TSPAN17: variants seen among roughly 807,000 people sequenced by gnomAD.
TSPAN17 encodes tetraspanin 17, also known as tetraspanin-17.
Under a neutral mutation model 40.5 loss-of-function variants are expected in TSPAN17, and 33 were observed. The ratio of observed to expected loss-of-function variants is 0.81; its 90% CI spans 0.62 to 1.09. The LOEUF (loss-of-function observed/expected upper bound fraction) is 1.09. TSPAN17 is among the 50% of genes least tolerant of loss of function. TSPAN17 has a pLI of 0.00. For missense variants in TSPAN17, 365 were observed against 416.8 expected (o/e 0.88, Z 1.08); for synonymous variants, 166 against 169.4 (o/e 0.98, Z 0.15).
intron 4 of TSPAN17, chr5:176,653,224 AC>A: frequency 4.1e-6 from 1 of 244,330 alleles, no homozygotes; most frequent in Non-Finnish European, 8.1e-6. Context: ...ATAGATTTCT[AC>A]TTCTGCTAAA....
In TSPAN17 at chr5:176,658,963, C is replaced by T. The variant is rs899225632; in HGVS notation, c.*1265C>T. ...GGGGCATGTGCCCAGCAATGTGGCT[C>T]CTTGGCCCCGCTGGCCAGTGTCCTG... On this transcript the variant is annotated 3_prime_UTR_variant, in exon 9 of 9. Coordinates refer to ENST00000508164, the MANE Select transcript of TSPAN17 (RefSeq NM_130465.5). The T allele has an allele frequency of 1.1e-4, 16 of 152,318 alleles. No homozygotes were observed. The highest frequency in any genetic ancestry group is 3.9e-4 in the African/African-American group (16 of 41,478). The allele number at this position is 152,318 out of a possible 1,614,324, so 9.4% of individuals were successfully genotyped here. A position where few individuals can be genotyped will look rare whatever the true frequency, so the allele number is the denominator to read the frequency against.
chr5:176,657,372 C>T (rs1459105697), intron 8 of TSPAN17, 146 bp from the exon 9 acceptor site: 52 of 1,385,018 alleles, frequency 3.8e-5, no homozygotes, highest in East Asian at 7.5e-5. Context: ...GTATGGGGCG[C>T]GTTGCCTGAG....
chr5:176,651,557 GA>G lies in TSPAN17; in HGVS notation c.88-58del. On this transcript the variant is annotated intron_variant, in intron 1 of 8. Transcript: ENST00000508164. This position sits in a 1 kb window ranked among gnomAD's most constrained non-coding sequence, Gnocchi z 4.5. ...AAGGCCCTGGCTACCGGGGAAGGATGAGGGGGGAGGGTCCTGGGGCTGCTCC... is the reference window on the plus strand; with the variant it reads ...AAGGCCCTGGCTACCGGGGAAGGATGGGGGGGAGGGTCCTGGGGCTGCTCC... 1 of 1,549,710 alleles carries G rather than the reference GA, an allele frequency of 6.5e-7. No individual in the cohort carries two copies. The highest frequency in any genetic ancestry group is 1.2e-5 in the South Asian group (1 of 83,466).
At position 176,656,982 on chromosome 5, in the gene TSPAN17, C is replaced by T. The variant is rs1000770271; in HGVS notation, c.809+26C>T. ...GTGAGGCCGCCAGAGGCCATGGCCA[C>T]ATGCCTGGCCTACGCAGGCCTCTGG... On this transcript the variant is annotated intron_variant, in intron 8 of 8. Transcript: ENST00000508164. The T allele has an allele frequency of 3.7e-6, 6 of 1,608,654 alleles. No individual in the cohort carries two copies. In the South Asian group the frequency reaches 5.5e-5, roughly 15 times the overall value.
rs1761263013 is a variant in TSPAN17 at position 176,659,044 on chromosome 5, T to A, written c.*1346T>A. On this transcript the variant is annotated 3_prime_UTR_variant, in exon 9 of 9. Transcript: ENST00000508164. The stretch of plus-strand genomic sequence containing the variant: ...TTGTACATGCTACAATAAATGCAGC[T>A]GGCAGCATTGTGCATGTGTCTTGCA... 2.6e-5 allele frequency: 4 copies of A among 152,276 alleles called. No individual in the cohort carries two copies. Among genetic ancestry groups the A allele is most frequent in the Admixed American group, 2.6e-4 (4 of 15,292 alleles). 9.4% of individuals were successfully genotyped at this position (152,276 alleles called of 1,614,324 possible). A position where few individuals can be genotyped will look rare whatever the true frequency, so the allele number is the denominator to read the frequency against.
Position 176,655,035 on chromosome 5 carries a change from G to A in TSPAN17, c.582+15G>A, listed in dbSNP as rs1362933053. 1 of 1,593,072 alleles carries A rather than the reference G, an allele frequency of 6.3e-7. No homozygotes were observed. Among genetic ancestry groups the A allele is most frequent in the Non-Finnish European group, 8.6e-7 (1 of 1,169,500 alleles). On this transcript the variant is annotated intron_variant, in intron 5 of 8. Coordinates refer to ENST00000508164, the MANE Select transcript of TSPAN17 (RefSeq NM_130465.5). Reference sequence around the variant, plus strand: ...GGGACCCTGCGGTGAGTGGGGCTGGGGGAGGAGAGGTAAGGGACTTTCCAG... The same window carrying A: ...GGGACCCTGCGGTGAGTGGGGCTGGAGGAGGAGAGGTAAGGGACTTTCCAG...
chr5:176,657,436 C>T, intron 8 of TSPAN17, 82 bp from the exon 9 acceptor site: 1 of 1,538,832 alleles, frequency 6.5e-7, no homozygotes, highest in Non-Finnish European at 8.8e-7. Context: ...TAACTTTGAG[C>T]CTGCCAGGAA....
intron 1 of TSPAN17, 141 bp downstream of exon 1, chr5:176,647,843 A>C: frequency 1.3e-6 from 1 of 747,400 alleles, no homozygotes; most frequent in South Asian, 2.1e-5. Flanking sequence ...ACCCACGCCC[A>C]CTTCCAGGAC....
chr5:176,647,792 C>T (rs1229717293), intron 1 of TSPAN17, 90 bp downstream of exon 1: 11 of 1,286,854 alleles, frequency 8.5e-6, no homozygotes, highest in East Asian at 3.0e-5. Flanking sequence ...CTCCCTGCCC[C>T]AAGAGTTTGG....
chr5:176,657,659 G>C lies in TSPAN17; in HGVS notation c.951G>C (p.Leu317=). The change falls in exon 9 of 9, where the codon CTG becomes CTC. Residue 317 remains leucine, a synonymous_variant. Transcript: ENST00000508164. The part of the protein sequence containing the change: ...APPSRHVFFG[L]GGLYPEPTFK... ...CCAGCCGACATGTTTTCTTTGGCCT[G>C]GGTGGTTTATACCCTGAGCCAACCT... 2 of 1,607,254 alleles carry C rather than the reference G, an allele frequency of 1.2e-6. No individual in the cohort carries two copies. Among genetic ancestry groups the C allele is most frequent in the Non-Finnish European group, 1.7e-6 (2 of 1,178,210 alleles).
rs907564945 is a variant in TSPAN17 at position 176,651,117 on chromosome 5, C to T, written c.88-499C>T. The stretch of plus-strand genomic sequence containing the variant: ...AGCCGTGGAAGCTGACTCTGGCAGG[C>T]GGAGGTTAAAGGGGTAGGATGGGGC... On this transcript the variant is annotated intron_variant, in intron 1 of 8. Transcript: ENST00000508164. The surrounding 1 kb of genome is among the most constrained non-coding windows in gnomAD (Gnocchi z 4.5). 6.6e-5 allele frequency among the ~76,000 whole-genome samples: 10 copies of T among 151,498 alleles called. No individual in the cohort carries two copies. Among genetic ancestry groups the T allele is most frequent in the South Asian group, 2.1e-4 (1 of 4,766 alleles).
rs150851795 is a variant in TSPAN17 at position 176,657,584 on chromosome 5, G to T, written c.876G>T (p.Thr292=). Residue 292 remains threonine, a synonymous_variant, in exon 9 of 9, where the codon ACG becomes ACT. Coordinates refer to ENST00000508164, the MANE Select transcript of TSPAN17 (RefSeq NM_130465.5). Reference sequence around the variant, plus strand: ...CCACCATTTCCGAGGTCCTGTCCACGGCGGGGCCTCAGCAGAACTCTCTGA... The same window carrying T: ...CCACCATTTCCGAGGTCCTGTCCACTGCGGGGCCTCAGCAGAACTCTCTGA... ...LTPTISEVLS[T]AGPQQNSLTG... 41 of 1,613,708 alleles carry T rather than the reference G, an allele frequency of 2.5e-5. No homozygotes were observed. The African/African-American group carries it at 4.0e-4, about 16-fold the overall frequency.
intron 8 of TSPAN17, chr5:176,657,285 G>C: frequency 2.8e-6 from 2 of 723,404 alleles, no homozygotes; most frequent in Non-Finnish European, 4.4e-6. Flanking sequence ...AGGCCAAGTG[G>C]GGTGGGAGGT....
Position 176,659,011 on chromosome 5 carries a change from T to G in TSPAN17, c.*1313T>G, listed in dbSNP as rs1189940325. ...CTGGGCCCCTGACAGGCGCTGGCTG[T>G]GAGTGGTTTGTACATGCTACAATAA... On this transcript the variant is annotated 3_prime_UTR_variant, in exon 9 of 9. Transcript: ENST00000508164. 1 of 152,294 alleles carries G rather than the reference T, an allele frequency of 6.6e-6. No homozygotes were observed. The highest frequency in any genetic ancestry group is 1.5e-5 in the Non-Finnish European group (1 of 68,070). The allele number at this position is 152,294 out of a possible 1,614,324, so 9.4% of individuals were successfully genotyped here. A position where few individuals can be genotyped will look rare whatever the true frequency, so the allele number is the denominator to read the frequency against.
intron 5 of TSPAN17, 22 bp downstream of exon 5, chr5:176,655,042 GAGGTA>G (rs779669942): frequency 6.3e-7 from 1 of 1,587,120 alleles, no homozygotes; most frequent in African/African-American, 1.3e-5. Context: ...TGGGGGAGGA[GAGGTA>G]AGGGACTTTC....
At chr5:176,656,551 C>T (rs1456034916) in intron 6 of TSPAN17, 149 bp from the exon 7 acceptor site, 1 of 734,544 alleles carries the variant, frequency 1.4e-6, no homozygotes, top group Non-Finnish European at 2.4e-6. Flanking sequence ...TGCTGAGACC[C>T]CATGAGAAGG....
Position 176,651,576 on chromosome 5 carries a change from G to A in TSPAN17, c.88-40G>A. 1.9e-6 allele frequency: 3 copies of A among 1,591,228 alleles called. No homozygotes were observed. Among genetic ancestry groups the A allele is most frequent in the Non-Finnish European group, 2.6e-6 (3 of 1,167,810 alleles). On this transcript the variant is annotated intron_variant, in intron 1 of 8. Transcript: ENST00000508164. The surrounding 1 kb of genome is among the most constrained non-coding windows in gnomAD (Gnocchi z 4.5). ...AAGGATGAGGGGGGAGGGTCCTGGG[G>A]CTGCTCCCAGCCCTGAGCTCTTTGT... is the stretch of plus-strand genomic sequence containing the variant.
chr5:176,655,964 A>C, intron 5 of TSPAN17, 114 bp from the exon 6 acceptor site: 1 of 931,188 alleles, frequency 1.1e-6, no homozygotes, highest in South Asian at 1.3e-5. Context: ...ACACGGCAGA[A>C]TCCACGGGCC....
At chr5:176,657,022 C>T (rs532280960) in intron 8 of TSPAN17, 66 bp downstream of exon 8, 759 of 1,500,542 alleles carry the variant, frequency 5.1e-4, no homozygotes, top group Non-Finnish European at 6.5e-4. Context: ...CCCCCCAGGA[C>T]CCTCCTACTA....
Sources: allele counts gnomAD v4.1 joint callset (sites outside exome capture counted in the v4.1 genomes callset), GRCh38; gene constraint gnomAD v4.1.1; non-coding constraint Gnocchi (gnomAD v3.1); transcripts MANE v1.5; gene names NCBI Gene and HGNC (gene_info 2026-07-23, HGNC 2026-07-21).